The following TACR1 variants were observed in gnomAD, a reference collection of about 807,000 sequenced individuals.
TACR1 encodes the protein substance-P receptor.
Under a neutral mutation model 35.8 loss-of-function variants are expected in TACR1, and 25 were observed. The observed-to-expected ratio is 0.70, with a 90% confidence interval of 0.51 to 0.98. The LOEUF is 0.98. TACR1 is among the 50% of genes least tolerant of loss of function. The probability of loss-of-function intolerance (pLI) is 0.00; values close to 1 mark genes in which losing one functional copy is unlikely to be tolerated. For missense variants in TACR1, 478 were observed against 522.9 expected (o/e 0.91, Z 0.84); for synonymous variants, 195 against 206.7 (o/e 0.94, Z 0.48).
intron 1 of TACR1, among the ~76,000 whole-genome samples, chr2:75,130,078 T>C (rs939510697): frequency 6.6e-6 from 1 of 152,228 alleles, no homozygotes; most frequent in Non-Finnish European, 1.5e-5. Context: ...ATTTTGTTAA[T>C]CATAGATTTT....
chr2:75,184,246 T>C lies in TACR1; in HGVS notation c.389+14300A>G, dbSNP rs146078728. On this transcript the variant is annotated intron_variant, in intron 1 of 4. Transcript: ENST00000305249. ...TATTAATAGATGGCAAAAACACAAT[T>C]GGCAAATTAAGTATCTAGATTTGAT... is the stretch of plus-strand genomic sequence containing the variant. 9.1e-3 allele frequency among the ~76,000 whole-genome samples: 1,383 copies of C among 152,204 alleles called. 26 individuals are homozygous for C. The highest frequency in any genetic ancestry group is 0.032 in the African/African-American group (1,319 of 41,546).
At chr2:75,116,254 T>C (rs994716743) in intron 2 of TACR1, among the ~76,000 whole-genome samples, 2 of 152,042 alleles carry the variant, frequency 1.3e-5, no homozygotes, top group Non-Finnish European at 2.9e-5. Flanking sequence ...ACAGGTCAGC[T>C]TGCCACCACG....
chr2:75,198,829 C>A lies in TACR1; in HGVS notation c.106G>T (p.Ala36Ser). ...VQPAWQIVLWAAAYTVIVVTS... is the reference protein window; with the variant it reads ...VQPAWQIVLWSAAYTVIVVTS... ...ACCACAATGACCGTGTAGGCAGCTG[C>A]CCAAAGGACAATTTGCCAGGCTGGT... is the stretch of plus-strand genomic sequence containing the variant. The change falls in exon 1 of 5, where the codon GCA becomes TCA. Residue 36 changes from alanine (A) to serine (S), a missense_variant. Ala to Ser is a moderately conservative substitution (Grantham distance 99). Coordinates refer to ENST00000305249, the MANE Select transcript of TACR1 (RefSeq NM_001058.4). 6.2e-7 allele frequency: 1 copy of A among 1,614,100 alleles called. No homozygotes were observed. The highest frequency in any genetic ancestry group is 8.5e-7 in the Non-Finnish European group (1 of 1,180,012).
chr2:75,127,503 C>G (rs1352145681), intron 1 of TACR1, among the ~76,000 whole-genome samples: 4 of 152,196 alleles, frequency 2.6e-5, no homozygotes, highest in African/African-American at 9.7e-5. Context: ...TCAGTGGACC[C>G]ACTTCAAAAG....
At chr2:75,127,222 G>A (rs1348360866) in intron 1 of TACR1, among the ~76,000 whole-genome samples, 3 of 151,798 alleles carry the variant, frequency 2.0e-5, no homozygotes, top group Non-Finnish European at 2.9e-5. Context: ...TTTTATCATC[G>A]AAATTCAGGG....
At chr2:75,068,098 G>A (rs1672803055) in intron 2 of TACR1, among the ~76,000 whole-genome samples, 1 of 152,208 alleles carries the variant, frequency 6.6e-6, no homozygotes, top group African/African-American at 2.4e-5. Context: ...CTATGTCTAT[G>A]TCTCTAAGTA....
intron 1 of TACR1, among the ~76,000 whole-genome samples, chr2:75,191,254 T>C (rs938230515): frequency 1.3e-5 from 2 of 152,126 alleles, no homozygotes; most frequent in African/African-American, 4.8e-5. Context: ...TATTTTTATA[T>C]GGTGTGAACA....
intron 1 of TACR1, among the ~76,000 whole-genome samples, chr2:75,128,650 G>A (rs981715886): frequency 1.3e-5 from 2 of 152,222 alleles, no homozygotes; most frequent in East Asian, 1.9e-4. Flanking sequence ...AAGACAGAGC[G>A]CGCATTTTTT....
chr2:75,122,422 G>C (rs1673987358), intron 1 of TACR1, among the ~76,000 whole-genome samples: 1 of 152,166 alleles, frequency 6.6e-6, no homozygotes, highest in Non-Finnish European at 1.5e-5. Flanking sequence ...TTTTGTGCTA[G>C]GGACCTGGGA....
chr2:75,102,636 A>G (rs12474674), intron 2 of TACR1, among the ~76,000 whole-genome samples: 75,856 of 151,868 alleles, frequency 0.5, 19,752 homozygotes, highest in Non-Finnish European at 0.56. Flanking sequence ...CCTTCAAACA[A>G]CAAAGGAGCA....
intron 1 of TACR1, among the ~76,000 whole-genome samples, chr2:75,172,629 G>A (rs1010337845): frequency 6.6e-6 from 1 of 151,952 alleles, no homozygotes; most frequent in Admixed American, 6.6e-5. Context: ...CTCTTAAGTG[G>A]GAAAGAGAAT....
chr2:75,094,433 C>G (rs1411910832), intron 2 of TACR1, among the ~76,000 whole-genome samples: 1 of 152,128 alleles, frequency 6.6e-6, no homozygotes. Flanking sequence ...CCAGGGACCA[C>G]AGTGGTCTTT....
intron 1 of TACR1, among the ~76,000 whole-genome samples, chr2:75,123,195 A>G (rs541376744): frequency 3.2e-5 from 2 of 62,098 alleles, no homozygotes; most frequent in South Asian, 7.0e-4. Context: ...CACCTCCAGC[A>G]CTGCATAGTT....
chr2:75,085,624 G>T (rs1248306832), intron 2 of TACR1, among the ~76,000 whole-genome samples: 1 of 152,164 alleles, frequency 6.6e-6, no homozygotes, highest in Non-Finnish European at 1.5e-5. Context: ...TTTGCCTTGA[G>T]CTAGCTGTTG....
At chr2:75,065,520 T>C (rs946773187) in intron 2 of TACR1, among the ~76,000 whole-genome samples, 1 of 152,114 alleles carries the variant, frequency 6.6e-6, no homozygotes, top group African/African-American at 2.4e-5. Context: ...GTTAGCTGAG[T>C]ATCGCATCGC....
intron 4 of TACR1, chr2:75,050,970 C>T (rs1672452057): frequency 6.7e-6 from 3 of 448,970 alleles, no homozygotes; most frequent in Middle Eastern, 6.5e-4. Flanking sequence ...TTTTAATTCC[C>T]CCACTAGCTG....
At chr2:75,069,129 T>G (rs564653314) in intron 2 of TACR1, among the ~76,000 whole-genome samples, 1 of 152,182 alleles carries the variant, frequency 6.6e-6, no homozygotes, top group Non-Finnish European at 1.5e-5. Context: ...AGCTCTCTTG[T>G]CTGCCACCAT....
intron 1 of TACR1, among the ~76,000 whole-genome samples, chr2:75,122,049 C>T (rs1673980411): frequency 6.6e-6 from 1 of 152,160 alleles, no homozygotes; most frequent in South Asian, 2.1e-4. Context: ...ACACCTGCCG[C>T]ACATAGAGCA....
chr2:75,131,751 CA>C (rs1674183679), intron 1 of TACR1, among the ~76,000 whole-genome samples: 1 of 152,048 alleles, frequency 6.6e-6, no homozygotes, highest in South Asian at 2.1e-4. Flanking sequence ...ATGATGAATA[CA>C]AAAGTATACT....
Sources: allele counts gnomAD v4.1 joint callset (sites outside exome capture counted in the v4.1 genomes callset), GRCh38; gene constraint gnomAD v4.1.1; transcripts MANE v1.5; gene names NCBI Gene and HGNC (gene_info 2026-07-23, HGNC 2026-07-21).